CREB3L2: variants seen among roughly 807,000 people sequenced by gnomAD.
CREB3L2 encodes cAMP responsive element binding protein 3 like 2.
CREB3L2 carries 23 observed loss-of-function variants against 57.2 expected under a neutral mutation model. The ratio of observed to expected loss-of-function variants is 0.40; its 90% CI spans 0.29 to 0.57. The LOEUF (loss-of-function observed/expected upper bound fraction) is 0.57, where lower values mean the gene tolerates loss of function less well. Among genes scored for constraint, CREB3L2 ranks in the 20% least tolerant of loss-of-function variants. CREB3L2 has a pLI of 0.42. For missense variants in CREB3L2, 628 were observed against 634.7 expected, an observed-to-expected ratio of 0.99 and a Z score of 0.11; for synonymous variants, 268 against 265.1, an observed-to-expected ratio of 1.01 and a Z score of -0.11.
At chr7:137,885,150 C>A in intron 9 of CREB3L2, 29 bp from the exon 10 acceptor site, 1 of 1,612,148 alleles carries the variant, frequency 6.2e-7, no homozygotes, top group South Asian at 1.1e-5. Flanking sequence ...GGAGAGAGAA[C>A]ACGAGGGGCT....
At chr7:137,916,104 G>C in intron 2 of CREB3L2, 92 bp from the exon 3 acceptor site, 1 of 955,278 alleles carries the variant, frequency 1.0e-6, no homozygotes, top group Non-Finnish European at 1.5e-6. Context: ...CCCCAAAAAA[G>C]CTCAGTGAAG....
At chr7:137,941,307 T>C (rs1800876518) in intron 1 of CREB3L2, among the ~76,000 whole-genome samples, 1 of 152,220 alleles carries the variant, frequency 6.6e-6, no homozygotes, top group South Asian at 2.1e-4. Context: ...GATGGTGCTA[T>C]GGTAAATGAA....
intron 1 of CREB3L2, among the ~76,000 whole-genome samples, chr7:137,965,072 T>C (rs1483138185): frequency 6.6e-6 from 1 of 152,188 alleles, no homozygotes; most frequent in African/African-American, 2.4e-5. Context: ...ATACAAGTAG[T>C]GACCAAACTC....
At chr7:137,896,420 G>A (rs1799629329) in intron 8 of CREB3L2, among the ~76,000 whole-genome samples, 1 of 152,114 alleles carries the variant, frequency 6.6e-6, no homozygotes, top group Admixed American at 6.5e-5. Flanking sequence ...TCCCGCCTCA[G>A]CCTCCTGAGT....
At chr7:137,882,881 A>AC (rs1247191204) in intron 10 of CREB3L2, among the ~76,000 whole-genome samples, 4 of 150,372 alleles carry the variant, frequency 2.7e-5, no homozygotes, top group African/African-American at 1.0e-4. Context: ...GCAAACTACC[A>AC]CCCCCACTGC....
At chr7:137,929,656 T>A (rs567673870) in intron 1 of CREB3L2, among the ~76,000 whole-genome samples, 3 of 150,192 alleles carry the variant, frequency 2.0e-5, no homozygotes, top group East Asian at 2.0e-4. Flanking sequence ...AGGTCAGGAG[T>A]TTGAGACCAG....
chr7:138,001,686 C>T lies in CREB3L2; in HGVS notation c.20G>A (p.Gly7Glu). The change falls in exon 1 of 12, where the codon GGG becomes GAG. Residue 7 changes from glycine to glutamate, a missense_variant. Physicochemically the swap from Gly to Glu is moderately conservative, Grantham distance 98. Transcript: ENST00000330387. The surrounding 1 kb of genome is among the most constrained non-coding windows in gnomAD (Gnocchi z 4.2). Reference protein sequence around the residue: MEVLESGEQGVLQWDRK... With the variant: MEVLESEEQGVLQWDRK... ...GTCCCACTGCAGCACGCCCTGCTCC[C>T]CGCTCTCCAGCACCTCCATGGCGGT... 1 of 1,611,972 alleles carries T rather than the reference C, an allele frequency of 6.2e-7. No homozygotes were observed. The highest frequency in any genetic ancestry group is 8.5e-7 in the Non-Finnish European group (1 of 1,179,716).
At chr7:137,916,155 G>A in intron 2 of CREB3L2, 143 bp from the exon 3 acceptor site, 1 of 596,632 alleles carries the variant, frequency 1.7e-6, no homozygotes, top group Non-Finnish European at 2.9e-6. Context: ...AATATGTGAG[G>A]GAAAAGATTG....
chr7:137,919,640 GA>G (rs1334837674), intron 2 of CREB3L2, among the ~76,000 whole-genome samples: 75 of 152,274 alleles, frequency 4.9e-4, no homozygotes, highest in African/African-American at 1.8e-3. Flanking sequence ...TGTTTATGAT[GA>G]CAAAACACTG....
intron 1 of CREB3L2, among the ~76,000 whole-genome samples, chr7:137,990,314 T>C (rs760148931): frequency 6.6e-6 from 1 of 152,216 alleles, no homozygotes; most frequent in Non-Finnish European, 1.5e-5. Context: ...CAAATATCAC[T>C]TGCTCCTCCA....
At position 137,905,640 on chromosome 7, in the gene CREB3L2, A is replaced by G. The variant is rs58021602; in HGVS notation, c.915+62T>C. ...TGCTGGCCGTTGGGAAGGCAGGGAA[A>G]GGGATGCTGACTCGATTCTGCTCGT... On this transcript the variant is annotated intron_variant, in intron 6 of 11. Coordinates refer to ENST00000330387, the MANE Select transcript of CREB3L2 (RefSeq NM_194071.4). The G allele has an allele frequency of 0.045, 71,074 of 1,562,160 alleles. 8,721 individuals are homozygous for G. The African/African-American group carries it at 0.47, about 10-fold the overall frequency.
intron 1 of CREB3L2, among the ~76,000 whole-genome samples, chr7:137,999,402 A>ACACACC (rs1258020192): frequency 4.0e-5 from 6 of 151,822 alleles, no homozygotes; most frequent in African/African-American, 1.5e-4. Flanking sequence ...ACACACACAC[A>ACACACC]CACACACACA....
Position 138,001,687 on chromosome 7 carries a change from C to A in CREB3L2, c.19G>T (p.Gly7Trp), listed in dbSNP as rs1169393605. ...TCCCACTGCAGCACGCCCTGCTCCC[C>A]GCTCTCCAGCACCTCCATGGCGGTG... Reference protein sequence around the residue: MEVLESGEQGVLQWDRK... With the variant: MEVLESWEQGVLQWDRK... The change falls in exon 1 of 12, where the codon GGG becomes TGG. Residue 7 changes from glycine (G) to tryptophan (W), a missense_variant. This residue lies in a region of CREB3L2 where 339 missense variants were observed against 355.4 expected (regional missense o/e 0.95). Transcript: ENST00000330387. This position sits in a 1 kb window ranked among gnomAD's most constrained non-coding sequence, Gnocchi z 4.2. The A allele has an allele frequency of 6.2e-7, 1 of 1,611,702 alleles. No homozygotes were observed. The highest frequency in any genetic ancestry group is 8.5e-7 in the Non-Finnish European group (1 of 1,179,660).
intron 2 of CREB3L2, among the ~76,000 whole-genome samples, chr7:137,924,640 T>A (rs189220717): frequency 1.4e-4 from 22 of 152,298 alleles, no homozygotes; most frequent in African/African-American, 5.3e-4. Flanking sequence ...TCTTCTTCCT[T>A]CTTCCTTTTT....
rs1357181087 is a variant in CREB3L2 at position 137,901,406 on chromosome 7, T to C, written c.991A>G (p.Thr331Ala). The C allele has an allele frequency of 6.2e-6, 10 of 1,606,692 alleles. No individual in the cohort carries two copies. Among genetic ancestry groups the C allele is most frequent in the Non-Finnish European group, 7.7e-6 (9 of 1,173,548 alleles). Residue 331 changes from threonine to alanine, a missense_variant, in exon 8 of 12, where the codon ACT (threonine) becomes GCT (alanine). Thr to Ala is a moderately conservative substitution (Grantham distance 58, BLOSUM62 0). Around this residue, in one of 3 missense-constraint regions of CREB3L2, gnomAD observed 272 missense variants for 242.7 expected, o/e 1.12. Coordinates refer to ENST00000330387, the MANE Select transcript of CREB3L2 (RefSeq NM_194071.4). ...TTCTTCCGAAGCTCCAAGTTCTCAG[T>C]TGAACAAGACTCCACTCTACAAAGG... ...SLEKKVESCS[T>A]ENLELRKKVE...
chr7:137,991,218 C>T (rs1474905250), intron 1 of CREB3L2, among the ~76,000 whole-genome samples: 1 of 151,422 alleles, frequency 6.6e-6, no homozygotes, highest in Non-Finnish European at 1.5e-5. Context: ...GGCTGGAGTG[C>T]AGTGGCATGA....
At chr7:137,968,151 C>A (rs1480919744) in intron 1 of CREB3L2, among the ~76,000 whole-genome samples, 1 of 151,862 alleles carries the variant, frequency 6.6e-6, no homozygotes, top group Non-Finnish European at 1.5e-5. Flanking sequence ...TTTTGGCACA[C>A]CCCATCCCTT....
intron 1 of CREB3L2, among the ~76,000 whole-genome samples, chr7:137,982,268 C>T (rs1801723505): frequency 6.6e-6 from 1 of 152,186 alleles, no homozygotes; most frequent in Admixed American, 6.5e-5. Flanking sequence ...TAAGAACCTT[C>T]AGTCTGTAGG....
At chr7:137,921,547 A>G (rs919968218) in intron 2 of CREB3L2, among the ~76,000 whole-genome samples, 6 of 152,220 alleles carry the variant, frequency 3.9e-5, no homozygotes, top group African/African-American at 1.2e-4. Context: ...CAACATCAAA[A>G]TGCAGATCTT....
Sources: allele counts gnomAD v4.1 joint callset (sites outside exome capture counted in the v4.1 genomes callset), GRCh38; gene constraint gnomAD v4.1.1; regional missense constraint gnomAD v4.1.1; non-coding constraint Gnocchi (gnomAD v3.1); transcripts MANE v1.5; gene names NCBI Gene and HGNC (gene_info 2026-07-23, HGNC 2026-07-21).